LRRC61: variants seen among roughly 807,000 people sequenced by gnomAD.
The protein encoded by LRRC61 is leucine-rich repeat-containing protein 61.
In LRRC61, 9 loss-of-function variants were observed where a neutral mutation model predicts 15.1. The ratio of observed to expected loss-of-function variants is 0.60; its 90% CI spans 0.36 to 1.04. LRRC61 has a LOEUF of 1.04. LRRC61 is among the 50% of genes least tolerant of loss of function. The probability of loss-of-function intolerance (pLI) is 0.01; values close to 1 mark genes in which losing one functional copy is unlikely to be tolerated. For synonymous variants in LRRC61, 173 were observed against 158.6 expected (o/e 1.09, Z -0.68); for missense variants, 344 against 335.6 (o/e 1.03, Z -0.20).
Position 150,337,581 on chromosome 7 carries a change from C to A in LRRC61, c.720C>A (p.Ser240Arg). 1 of 1,580,430 alleles carries A rather than the reference C, an allele frequency of 6.3e-7. No homozygotes were observed. The highest frequency in any genetic ancestry group is 1.1e-5 in the South Asian group (1 of 87,250). ...ACCTGGACCGCCAGGCCAGCGACAG[C>A]CTGGCCCAGGCGGAGCAGGTACTCA... The part of the protein sequence containing the change: ...CWDLDRQASD[S>R]LAQAEQVLSS... The change falls in exon 3 of 3, where the codon AGC becomes AGA. Residue 240 changes from serine to arginine, a missense_variant. By Grantham distance (110) the Ser-to-Arg change is moderately radical. Transcript: ENST00000359623.
intron 2 of LRRC61, chr7:150,331,164 TTC>T: frequency 6.5e-7 from 1 of 1,527,782 alleles, no homozygotes; most frequent in Non-Finnish European, 8.8e-7. Flanking sequence ...AGCAAAACTC[TTC>T]TCTCAAGGTG....
rs752405524 is a variant in LRRC61, at chr7:150,330,887, G to C, written c.-145+4877G>C. 4 of 1,611,354 alleles carry C rather than the reference G, an allele frequency of 2.5e-6. No homozygotes were observed. Among genetic ancestry groups the C allele is most frequent in the Non-Finnish European group, 3.4e-6 (4 of 1,178,574 alleles). ...GCAGCAGCCACTCTGGGGCCTTCCT[G>C]CTGGCCCAGAGGGAGAAGGGCTTGC... On this transcript the variant is annotated intron_variant, in intron 2 of 2. Transcript: ENST00000359623. The surrounding 1 kb of genome is among the most constrained non-coding windows in gnomAD (Gnocchi z 4.6).
rs1585050549 is a variant in LRRC61 at position 150,337,024 on chromosome 7, C to G, written c.163C>G (p.Leu55Val). ...GGGCTGCCTGGGAGAGTGCCTGGGC[C>G]TGGAGTGGCTGGACCTATCAGGCAA... ...DLGCLGECLG[L>V]EWLDLSGNAL... is the part of the protein sequence containing the mutation. The change falls in exon 3 of 3, where the codon CTG becomes GTG. Residue 55 changes from leucine to valine, a missense_variant. By Grantham distance (32) the Leu-to-Val change is conservative. Transcript: ENST00000359623. 1 of 1,613,732 alleles carries G rather than the reference C, an allele frequency of 6.2e-7. No individual in the cohort carries two copies. The highest frequency in any genetic ancestry group is 8.5e-7 in the Non-Finnish European group (1 of 1,180,030).
At chr7:150,313,749 G>GTCTC in the LRRC61 span, among the ~76,000 whole-genome samples, 1 of 152,188 alleles carries the variant, frequency 6.6e-6, no homozygotes, top group Non-Finnish European at 1.5e-5. Context: ...GAAAGAGGGA[G>GTCTC]AGAGGGGGAG....
At chr7:150,324,579 C>A (rs921760603) in intron 1 of LRRC61, among the ~76,000 whole-genome samples, 1 of 152,058 alleles carries the variant, frequency 6.6e-6, no homozygotes, top group Non-Finnish European at 1.5e-5. Flanking sequence ...GCATAAGCTG[C>A]CTCACTTCCC....
rs543276747 is a variant in LRRC61 at position 150,330,056 on chromosome 7, C to G, written c.-145+4046C>G. 7.8e-6 allele frequency: 2 copies of G among 255,326 alleles called. No homozygotes were observed. The highest frequency in any genetic ancestry group is 1.5e-5 in the Non-Finnish European group (2 of 131,816). The allele number at this position is 255,326 out of a possible 1,614,324, so 15.8% of individuals were successfully genotyped here. On this transcript the variant is annotated intron_variant, in intron 2 of 2. Transcript: ENST00000359623. The surrounding 1 kb of genome is among the most constrained non-coding windows in gnomAD (Gnocchi z 4.6). ...AGGGCTGTTCCCCCATCCCTTGTTT[C>G]GCCCACTGCCTCGACTCCCTGGTGA...
At chr7:150,318,869 T>C (rs1585021019), upstream of LRRC61, among the ~76,000 whole-genome samples, 1 of 152,242 alleles carries the variant, frequency 6.6e-6, no homozygotes, top group African/African-American at 2.4e-5. Context: ...ACATAAACCA[T>C]GTGATTCTCA....
rs3800780 is a variant in LRRC61, at chr7:150,330,195, C to A, written c.-145+4185C>A. ...CCAGGGACTCCTCACCCAGCTCCAG[C>A]GCCAGCGCAGCCTCCTAGCCCACCA... On this transcript the variant is annotated intron_variant, in intron 2 of 2. Transcript: ENST00000359623. The surrounding 1 kb of genome is among the most constrained non-coding windows in gnomAD (Gnocchi z 4.6). 0.25 allele frequency: 148,638 copies of A among 589,188 alleles called. 19,410 individuals carry two copies. The highest frequency in any genetic ancestry group is 0.35 in the East Asian group (12,239 of 35,002). The allele number at this position is 589,188 out of a possible 1,614,324, so 36.5% of individuals were successfully genotyped here.
rs1797909191 is a variant in LRRC61, at chr7:150,325,055, C to T, written c.-314-786C>T. 2.0e-5 allele frequency among the ~76,000 whole-genome samples: 3 copies of T among 152,218 alleles called. 1 individual carries two copies. The highest frequency in any genetic ancestry group is 1.3e-4 in the Admixed American group (2 of 15,284). On this transcript the variant is annotated intron_variant, in intron 1 of 2. Transcript: ENST00000359623. ...CCTGGGCAGCCCCCTCTGGTGTTTT[C>T]CTTCAGTTTCTCTAGAAACTTGCCT...
chr7:150,325,463 G>A (rs1797935770), intron 1 of LRRC61, among the ~76,000 whole-genome samples: 1 of 152,222 alleles, frequency 6.6e-6, no homozygotes. Flanking sequence ...GGTGATGTGT[G>A]TCACAAGTAA....
Position 150,337,175 on chromosome 7 carries a change from C to T in LRRC61, c.314C>T (p.Ala105Val), listed in dbSNP as rs1268751644. The change falls in exon 3 of 3, where the codon GCA (alanine) becomes GTA (valine). Residue 105 changes from alanine (A) to valine (V), a missense_variant. By Grantham distance (64) the Ala-to-Val change is moderately conservative. Transcript: ENST00000359623. ...TCENLQSLNA[A>V]GNLLATPGQL... The stretch of plus-strand genomic sequence containing the variant: ...GAGAACTTGCAGAGTCTCAATGCCG[C>T]AGGCAACCTACTGGCCACCCCGGGC... The T allele has an allele frequency of 6.2e-7, 1 of 1,609,282 alleles. No individual in the cohort carries two copies. The highest frequency in any genetic ancestry group is 1.3e-5 in the African/African-American group (1 of 75,078).
At chr7:150,325,237 AC>A (rs1797921153) in intron 1 of LRRC61, among the ~76,000 whole-genome samples, 1 of 151,808 alleles carries the variant, frequency 6.6e-6, no homozygotes, top group Admixed American at 6.6e-5. Context: ...TTGTGCCATC[AC>A]CCCGCCCTGC....
rs755592769 is a variant in LRRC61, at chr7:150,331,097, C to G, written c.-145+5087C>G. The stretch of plus-strand genomic sequence containing the variant: ...GGCCACCATCTATCTGTCTTACCCC[C>G]CACAGGAGCCTTCTCTGAAAGCATC... On this transcript the variant is annotated intron_variant, in intron 2 of 2. Transcript: ENST00000359623. 31 of 1,610,416 alleles carry G rather than the reference C, an allele frequency of 1.9e-5. No individual in the cohort carries two copies. The South Asian group carries it at 3.0e-4, about 15-fold the overall frequency.
At chr7:150,320,718 G>A (rs1430978964), upstream of LRRC61, among the ~76,000 whole-genome samples, 2 of 152,156 alleles carry the variant, frequency 1.3e-5, no homozygotes, top group Non-Finnish European at 2.9e-5. Context: ...AGCCGAGATG[G>A]TGGCATTGCA....
chr7:150,310,784 C>T, the LRRC61 span, among the ~76,000 whole-genome samples: 533 of 152,276 alleles, frequency 3.5e-3, 3 homozygotes, highest in Non-Finnish European at 4.5e-3. Context: ...CCGTCTGCCT[C>T]CCAACTTATT....
At chr7:150,323,039 C>A (rs2129617917), upstream of LRRC61, 1 of 152,844 alleles carries the variant, frequency 6.5e-6, no homozygotes, top group Non-Finnish European at 1.5e-5. Flanking sequence ...TCTAGGCCGC[C>A]ATCCGTCCGG....
At position 150,333,610 on chromosome 7, in the gene LRRC61, G is replaced by A. The variant is rs1294169692; in HGVS notation, c.-144-3108G>A. Among the ~76,000 whole-genome samples the A allele has an allele frequency of 2.6e-5, 4 of 152,182 alleles. No homozygotes were observed. On this transcript the variant is annotated intron_variant, in intron 2 of 2. Coordinates refer to ENST00000359623, the MANE Select transcript of LRRC61 (RefSeq NM_001142928.2). This position sits in a 1 kb window ranked among gnomAD's most constrained non-coding sequence, Gnocchi z 4.3. ...CCAACGCCTGGGACCATCTTCCCTGGTTCTCAGTCAGCCTCCCTCAAAGGG... is the reference window on the plus strand; with the variant it reads ...CCAACGCCTGGGACCATCTTCCCTGATTCTCAGTCAGCCTCCCTCAAAGGG...
chr7:150,333,852 A>C lies in LRRC61; in HGVS notation c.-144-2866A>C, dbSNP rs556967196. On this transcript the variant is annotated intron_variant, in intron 2 of 2. Transcript: ENST00000359623. The surrounding 1 kb of genome is among the most constrained non-coding windows in gnomAD (Gnocchi z 4.3). ...TGGGCGCCGGCTGGTTCTCAGTCCTACTGGGCTACCTGTTTGCAGTGTGCA... is the reference window on the plus strand; with the variant it reads ...TGGGCGCCGGCTGGTTCTCAGTCCTCCTGGGCTACCTGTTTGCAGTGTGCA... 7.9e-5 allele frequency: 77 copies of C among 974,110 alleles called. No individual in the cohort carries two copies. The African/African-American group carries it at 1.3e-3, about 17-fold the overall frequency. 60.3% of individuals were successfully genotyped at this position (974,110 alleles called of 1,614,324 possible). A position where few individuals can be genotyped will look rare whatever the true frequency, so the allele number is the denominator to read the frequency against.
intron 2 of LRRC61, among the ~76,000 whole-genome samples, chr7:150,326,276 G>T (rs1291062282): frequency 6.6e-6 from 1 of 152,222 alleles, no homozygotes; most frequent in Non-Finnish European, 1.5e-5. Flanking sequence ...TCTGTTAAAT[G>T]ATTGAGTGAA....
Sources: gnomAD v4.1 joint callset for allele counts (sites outside exome capture counted in the v4.1 genomes callset) on GRCh38, gnomAD v4.1.1 for gene constraint, Gnocchi (gnomAD v3.1) non-coding constraint, MANE v1.5 for transcripts, NCBI Gene and HGNC (gene_info 2026-07-23, HGNC 2026-07-21) for gene names.